The following COPB2 variants were observed in gnomAD, a reference collection of about 807,000 sequenced individuals.
The protein encoded by COPB2 is coat protein complex I subunit beta 2, also known as coatomer subunit beta'.
In COPB2, 16 loss-of-function variants were observed where a neutral mutation model predicts 120.8. That is an observed-to-expected ratio of 0.13 (90% confidence interval 0.09 to 0.20). The LOEUF (loss-of-function observed/expected upper bound fraction) is 0.20, where lower values mean the gene tolerates loss of function less well. Among genes scored for constraint, COPB2 ranks in the 10% least tolerant of loss-of-function variants. The pLI is 1.00. For synonymous variants in COPB2, 332 were observed against 366.3 expected (o/e 0.91, Z 1.07); for missense variants, 794 against 1,076.5 (o/e 0.74, Z 3.67).
In COPB2 at chr3:139,389,597, T is replaced by C; in HGVS notation, c.-47A>G. On this transcript the variant is annotated 5_prime_UTR_variant, in exon 1 of 22. Coordinates refer to ENST00000333188, the MANE Select transcript of COPB2 (RefSeq NM_004766.3). ...GGAACCCTCGTTTGTTACCGGCTAC[T>C]CAGGCCTTGAGATAAACCCACCGAT... is the stretch of plus-strand genomic sequence containing the variant. The C allele has an allele frequency of 6.4e-7, 1 of 1,554,712 alleles. No homozygotes were observed. Among genetic ancestry groups the C allele is most frequent in the African/African-American group, 1.4e-5 (1 of 73,590 alleles).
intron 21 of COPB2, 41 bp downstream of exon 21, chr3:139,358,159 A>AGAT: frequency 6.5e-7 from 1 of 1,545,390 alleles, no homozygotes; most frequent in Non-Finnish European, 8.9e-7. Flanking sequence ...ATGGGGAGGA[A>AGAT]GATGGGGTAG....
chr3:139,364,264 A>G (rs2107798726), intron 15 of COPB2, among the ~76,000 whole-genome samples: 1 of 152,272 alleles, frequency 6.6e-6, no homozygotes, highest in South Asian at 2.1e-4. Flanking sequence ...AAACTGCCCT[A>G]AAAGCATTCA....
rs371340545 is a variant in COPB2, at chr3:139,359,288, A to G, written c.2285T>C (p.Leu762Ser). 1 of 1,614,216 alleles carries G rather than the reference A, an allele frequency of 6.2e-7. No homozygotes were observed. Among genetic ancestry groups the G allele is most frequent in the Non-Finnish European group, 8.5e-7 (1 of 1,180,022 alleles). ...PEAAFLARTYLPSQVSRVVKL... is the reference protein window; with the variant it reads ...PEAAFLARTYSPSQVSRVVKL... ...TCTGTACCTTGAAACCTGACTGGGTAAGTAAGTTCGGGCCAAGAAGGCAGC... is the reference window on the plus strand; with the variant it reads ...TCTGTACCTTGAAACCTGACTGGGTGAGTAAGTTCGGGCCAAGAAGGCAGC... The change falls in exon 18 of 22, where the codon TTA becomes TCA. Residue 762 changes from leucine to serine, a missense_variant. Leu to Ser is a moderately radical substitution (Grantham distance 145). Transcript: ENST00000333188.
At chr3:139,388,928 G>A (rs1423815644) in intron 1 of COPB2, among the ~76,000 whole-genome samples, 1 of 151,492 alleles carries the variant, frequency 6.6e-6, no homozygotes, top group African/African-American at 2.4e-5. Context: ...TAATAACAAA[G>A]TGCTCTAACA....
At chr3:139,364,289 G>GCTCCCCTCTCCCAC (rs1460447809) in intron 15 of COPB2, among the ~76,000 whole-genome samples, 1 of 151,926 alleles carries the variant, frequency 6.6e-6, no homozygotes, top group Non-Finnish European at 1.5e-5. Flanking sequence ...CTCTAGATCC[G>GCTCCCCTCTCCCAC]CTCCCCTCTC....
In COPB2 at chr3:139,363,837, G is replaced by A. The variant is rs1317867591; in HGVS notation, c.1885-1320C>T. Among the ~76,000 whole-genome samples, 3 of 152,144 alleles carry A rather than the reference G, an allele frequency of 2.0e-5. No homozygotes were observed. The East Asian group carries it at 5.8e-4, about 29-fold the overall frequency. ...CCCGCCCCGATCCATCCATGAATAC[G>A]ATGTAAATAAGGCATTCTAAATAAC... On this transcript the variant is annotated intron_variant, in intron 15 of 21. Transcript: ENST00000333188.
chr3:139,367,894 C>G (rs1941547999), intron 13 of COPB2, among the ~76,000 whole-genome samples: 1 of 152,136 alleles, frequency 6.6e-6, no homozygotes, highest in South Asian at 2.1e-4. Flanking sequence ...ACTATAATTT[C>G]TTTACTGAAA....
chr3:139,360,692 G>A, intron 17 of COPB2, among the ~76,000 whole-genome samples: 1 of 151,978 alleles, frequency 6.6e-6, no homozygotes, highest in Admixed American at 6.6e-5. Flanking sequence ...ATCCCCTTTT[G>A]TTCTTGCCAT....
intron 5 of COPB2, 70 bp downstream of exon 5, chr3:139,377,971 A>C (rs1295429834): frequency 1.0e-5 from 14 of 1,365,494 alleles, no homozygotes; most frequent in Non-Finnish European, 1.3e-5. Flanking sequence ...CTGACCAGTC[A>C]ACAGTAAAAC....
chr3:139,389,457 A>G, intron 1 of COPB2, 91 bp downstream of exon 1: 2 of 1,433,244 alleles, frequency 1.4e-6, no homozygotes, highest in Middle Eastern at 1.9e-4. Context: ...GGGAGCCCAG[A>G]CCACTGCTTA....
At chr3:139,366,474 T>C (rs774859373) in intron 15 of COPB2, 94 bp downstream of exon 15, 9 of 1,130,898 alleles carry the variant, frequency 8.0e-6, no homozygotes, top group Non-Finnish European at 1.1e-5. Context: ...GGAAATCAGT[T>C]GGCAATTAAG....
In COPB2 at chr3:139,383,407, A is replaced by T; in HGVS notation, c.32T>A (p.Leu11Gln). The change falls in exon 2 of 22, where the codon CTA becomes CAA. Residue 11 changes from leucine to glutamine, a missense_variant. Around this residue, in one of 3 missense-constraint regions of COPB2, gnomAD observed 610 missense variants for 866.7 expected, o/e 0.70. Transcript: ENST00000333188. Reference protein sequence around the residue: MPLRLDIKRKLTARSDRVKSV... With the variant: MPLRLDIKRKQTARSDRVKSV... ...CTTAACTCGATCAGATCTAGCAGTT[A>T]GCTTTCTTTTGATATCAAGTCGCAG... 1 of 1,567,590 alleles carries T rather than the reference A, an allele frequency of 6.4e-7. No homozygotes were observed. The highest frequency in any genetic ancestry group is 8.6e-7 in the Non-Finnish European group (1 of 1,158,084).
chr3:139,370,685 T>G (rs1941609129), intron 10 of COPB2, among the ~76,000 whole-genome samples: 1 of 152,220 alleles, frequency 6.6e-6, no homozygotes, highest in Non-Finnish European at 1.5e-5. Flanking sequence ...TATTTAAGAT[T>G]GTCTGAGGAA....
chr3:139,373,871 T>C, intron 7 of COPB2, 63 bp from the exon 8 acceptor site: 1 of 1,589,598 alleles, frequency 6.3e-7, no homozygotes, highest in African/African-American at 1.3e-5. Context: ...CTGTGTCAGG[T>C]GAAAGAGACC....
At chr3:139,380,433 C>T (rs895844732) in intron 2 of COPB2, 3 of 152,038 alleles carry the variant, frequency 2.0e-5, no homozygotes, top group South Asian at 2.1e-4. Flanking sequence ...ATGAAAACAC[C>T]GTGACTTATA....
chr3:139,382,497 G>A (rs1022951051), intron 2 of COPB2: 8 of 152,352 alleles, frequency 5.3e-5, no homozygotes, highest in African/African-American at 1.9e-4. Context: ...TACAGGGTAT[G>A]AGTTTAGTGT....
intron 15 of COPB2, among the ~76,000 whole-genome samples, 191 bp from the exon 16 acceptor site, chr3:139,362,708 G>A (rs962823441): frequency 3.3e-5 from 5 of 152,082 alleles, no homozygotes; most frequent in African/African-American, 1.2e-4. Flanking sequence ...GAAGTGGTAA[G>A]AACAAACCTG....
At chr3:139,377,049 T>C (rs980709238) in intron 5 of COPB2, among the ~76,000 whole-genome samples, 2 of 148,876 alleles carry the variant, frequency 1.3e-5, no homozygotes, top group Non-Finnish European at 3.0e-5. Flanking sequence ...GTGCCTGGCA[T>C]GGAAATATTT....
Position 139,379,235 on chromosome 3 carries a change from T to C in COPB2, c.229-62A>G, listed in dbSNP as rs534958802. The C allele has an allele frequency of 1.2e-5, 18 of 1,552,342 alleles. No individual in the cohort carries two copies. In the East Asian group the frequency reaches 2.3e-4, roughly 19 times the overall value. On this transcript the variant is annotated intron_variant, in intron 3 of 21. Coordinates refer to ENST00000333188, the MANE Select transcript of COPB2 (RefSeq NM_004766.3). ...TCAAGTAAATTATACAAAAAAACTA[T>C]ATCACAGGCTCAAGGAATAAAGTCT...
Sources: gnomAD v4.1 joint callset for allele counts (sites outside exome capture counted in the v4.1 genomes callset) on GRCh38, gnomAD v4.1.1 for gene constraint, gnomAD v4.1.1 regional missense constraint, MANE v1.5 for transcripts, NCBI Gene and HGNC (gene_info 2026-07-23, HGNC 2026-07-21) for gene names.